The following KCNIP4 variants were observed in gnomAD, a reference collection of about 807,000 sequenced individuals.
KCNIP4 encodes potassium voltage-gated channel interacting protein 4, also known as Kv channel-interacting protein 4.
In KCNIP4, 12 loss-of-function variants were observed where a neutral mutation model predicts 34.0. The observed-to-expected ratio is 0.35, with a 90% CI of 0.23 to 0.57. The LOEUF is 0.57. KCNIP4 is among the 20% of genes least tolerant of loss of function. KCNIP4 has a pLI of 0.83. For missense variants in KCNIP4, 238 were observed against 311.7 expected (o/e 0.76, Z 1.78); for synonymous variants, 124 against 102.2 (o/e 1.21, Z -1.29).
chr4:21,553,359 A>C (rs1738731210), intron 1 of KCNIP4, among the ~76,000 whole-genome samples: 1 of 152,146 alleles, frequency 6.6e-6, no homozygotes, highest in East Asian at 1.9e-4. Context: ...TGAATGTGAT[A>C]ATATGTATAA....
At chr4:21,133,507 C>A (rs747137868) in intron 1 of KCNIP4, among the ~76,000 whole-genome samples, 1 of 152,148 alleles carries the variant, frequency 6.6e-6, no homozygotes, top group Non-Finnish European at 1.5e-5. Context: ...TCTTGTGCTA[C>A]CTTTTCTTGT....
intron 1 of KCNIP4, among the ~76,000 whole-genome samples, chr4:21,832,425 C>A (rs530822794): frequency 1.3e-5 from 2 of 152,014 alleles, no homozygotes; most frequent in Admixed American, 6.6e-5. Context: ...AGAGACAGAC[C>A]CAGTACTATA....
At chr4:21,407,242 G>C (rs570442769) in intron 1 of KCNIP4, among the ~76,000 whole-genome samples, 8 of 151,744 alleles carry the variant, frequency 5.3e-5, no homozygotes, top group African/African-American at 1.7e-4. Flanking sequence ...CCCCCACAGA[G>C]AGTCACATGG....
intron 1 of KCNIP4, among the ~76,000 whole-genome samples, chr4:20,893,367 G>C (rs143622989): frequency 2.0e-5 from 3 of 152,064 alleles, no homozygotes; most frequent in Non-Finnish European, 4.4e-5. Flanking sequence ...GAATCTAAGC[G>C]CTGCCACTTT....
intron 1 of KCNIP4, among the ~76,000 whole-genome samples, chr4:21,613,104 T>C (rs950069209): frequency 6.6e-6 from 1 of 152,110 alleles, no homozygotes; most frequent in Non-Finnish European, 1.5e-5. Context: ...GAGGGAGTAA[T>C]TGATATTTCT....
intron 1 of KCNIP4, among the ~76,000 whole-genome samples, chr4:21,480,022 T>G (rs2109830562): frequency 6.6e-6 from 1 of 151,446 alleles, no homozygotes; most frequent in East Asian, 1.9e-4. Context: ...TAATAATATA[T>G]AAATTTAACA....
At chr4:20,756,492 T>TA (rs1380179811) in intron 4 of KCNIP4, among the ~76,000 whole-genome samples, 4 of 152,304 alleles carry the variant, frequency 2.6e-5, no homozygotes, top group African/African-American at 9.6e-5. Flanking sequence ...CATTAAAAGA[T>TA]AAAGTCTTCC....
At chr4:20,867,343 C>T (rs902958830) in intron 2 of KCNIP4, among the ~76,000 whole-genome samples, 7 of 152,022 alleles carry the variant, frequency 4.6e-5, no homozygotes, top group Admixed American at 2.0e-4. Context: ...ACCAATGAAA[C>T]AGAATAGAAA....
chr4:21,875,321 C>T (rs1726046922), intron 1 of KCNIP4, among the ~76,000 whole-genome samples: 1 of 152,154 alleles, frequency 6.6e-6, no homozygotes, highest in African/African-American at 2.4e-5. Context: ...TCATTAGACA[C>T]AGAGTCACCA....
intron 7 of KCNIP4, among the ~76,000 whole-genome samples, 167 bp downstream of exon 7, chr4:20,732,514 T>C (rs577948222): frequency 1.2e-4 from 19 of 152,200 alleles, no homozygotes; most frequent in Non-Finnish European, 2.5e-4. Flanking sequence ...GTTATCAGCA[T>C]TGTAAATTCA....
In KCNIP4 at chr4:21,273,946, C is replaced by T. The variant is rs374243482; in HGVS notation, c.62-391237G>A. ...CTTATTCATATCTAAATTTGAAATA[C>T]GCAACACAATTCCTAGTATGCAGCA... On this transcript the variant is annotated intron_variant, in intron 1 of 8. Transcript: ENST00000382152. Among the ~76,000 whole-genome samples, 104 of 152,188 alleles carry T rather than the reference C, an allele frequency of 6.8e-4. 1 individual carries two copies. Among genetic ancestry groups the T allele is most frequent in the African/African-American group, 2.2e-3 (90 of 41,508 alleles).
intron 1 of KCNIP4, among the ~76,000 whole-genome samples, chr4:21,039,101 T>C (rs1741721724): frequency 1.3e-5 from 2 of 152,206 alleles, no homozygotes; most frequent in Non-Finnish European, 2.9e-5. Flanking sequence ...GGCTCATGCC[T>C]GTAATCCCAG....
intron 2 of KCNIP4, among the ~76,000 whole-genome samples, chr4:20,853,001 C>T (rs547112910): frequency 8.5e-5 from 13 of 152,266 alleles, no homozygotes; most frequent in Middle Eastern, 3.4e-3. Context: ...AAACACATCC[C>T]ATGCTGGGTA....
intron 1 of KCNIP4, among the ~76,000 whole-genome samples, chr4:21,933,382 C>T (rs560851989): frequency 6.6e-6 from 1 of 152,128 alleles, no homozygotes; most frequent in South Asian, 2.1e-4. Flanking sequence ...ATGGGAAGGA[C>T]CTCCTCATTT....
chr4:21,321,837 G>T (rs1335570724), intron 1 of KCNIP4, among the ~76,000 whole-genome samples: 2 of 83,936 alleles, frequency 2.4e-5, no homozygotes, highest in East Asian at 3.2e-4. Flanking sequence ...AAGAAGGGAA[G>T]GAAGGAAAGG....
intron 1 of KCNIP4, among the ~76,000 whole-genome samples, chr4:21,230,586 G>A (rs1758721244): frequency 1.3e-5 from 2 of 152,218 alleles, no homozygotes; most frequent in South Asian, 4.2e-4. Context: ...CTATTGTTCA[G>A]CTCCCACTTA....
At position 20,754,368 on chromosome 4, in the gene KCNIP4, A is replaced by C. The variant is rs542515449; in HGVS notation, c.358+4453T>G. Among the ~76,000 whole-genome samples the C allele has an allele frequency of 3.3e-5, 5 of 152,244 alleles. No homozygotes were observed. In the East Asian group the frequency reaches 9.7e-4, roughly 29 times the overall value. ...AATGGTGAGATGTTGTGATTTATGGACCCATCAATGTTACTGTTCATAATG... is the reference window on the plus strand; with the variant it reads ...AATGGTGAGATGTTGTGATTTATGGCCCCATCAATGTTACTGTTCATAATG... On this transcript the variant is annotated intron_variant, in intron 4 of 8. Transcript: ENST00000382152.
At chr4:20,790,413 G>C (rs1464088012) in intron 3 of KCNIP4, among the ~76,000 whole-genome samples, 1 of 151,916 alleles carries the variant, frequency 6.6e-6, no homozygotes, top group Admixed American at 6.6e-5. Context: ...TTTAACTTTA[G>C]GTTACTGTGA....
At chr4:21,390,351 G>A (rs1171229824) in intron 1 of KCNIP4, among the ~76,000 whole-genome samples, 1 of 152,068 alleles carries the variant, frequency 6.6e-6, no homozygotes, top group Non-Finnish European at 1.5e-5. Flanking sequence ...CATTGCTTTT[G>A]GTGTTTTAGA....
Sources: gnomAD v4.1 joint callset for allele counts (sites outside exome capture counted in the v4.1 genomes callset) on GRCh38, gnomAD v4.1.1 for gene constraint, MANE v1.5 for transcripts, NCBI Gene and HGNC (gene_info 2026-07-23, HGNC 2026-07-21) for gene names.